The following NFATC4 variants were observed in gnomAD, a reference collection of about 807,000 sequenced individuals.
NFATC4 encodes nuclear factor of activated T-cells, cytoplasmic 4.
Under a neutral mutation model 73.4 loss-of-function variants are expected in NFATC4, and 25 were observed. The ratio of observed to expected loss-of-function variants is 0.34; its 90% confidence interval spans 0.25 to 0.48. The LOEUF is 0.48. Among genes scored for constraint, NFATC4 ranks in the 20% least tolerant of loss-of-function variants. The pLI, the probability that NFATC4 is intolerant of heterozygous loss-of-function variation, is 0.99. For synonymous variants in NFATC4, 523 were observed against 510.3 expected, an observed-to-expected ratio of 1.02 and a Z score of -0.34; for missense variants, 1,130 against 1,203.7, an observed-to-expected ratio of 0.94 and a Z score of 0.91.
intron 1 of NFATC4, among the ~76,000 whole-genome samples, chr14:24,368,840 C>A (rs532698123): frequency 6.6e-6 from 1 of 152,068 alleles, no homozygotes; most frequent in African/African-American, 2.4e-5. Flanking sequence ...CGCTGTCAGG[C>A]CTCGCTGGGG....
intron 2 of NFATC4, among the ~76,000 whole-genome samples, chr14:24,371,497 G>T (rs1566465372): frequency 1.3e-5 from 2 of 152,150 alleles, no homozygotes; most frequent in African/African-American, 2.4e-5. Context: ...TACTTGGGGG[G>T]CAATTACCAG....
intron 1 of NFATC4, chr14:24,369,136 C>G (rs1389641360): frequency 4.9e-6 from 7 of 1,442,648 alleles, no homozygotes; most frequent in Non-Finnish European, 6.3e-6. Context: ...GTTTGGGAAC[C>G]GCTGCTAATT....
At chr14:24,369,195 A>G in intron 1 of NFATC4, 7 of 1,519,160 alleles carry the variant, frequency 4.6e-6, no homozygotes, top group Non-Finnish European at 4.4e-6. Flanking sequence ...CTCAAGAAAC[A>G]CGCCTCCAGG....
In NFATC4 at chr14:24,376,970, C is replaced by T. The variant is rs1291178351; in HGVS notation, c.2641+92C>T. The T allele has an allele frequency of 2.8e-6, 4 of 1,422,442 alleles. No individual in the cohort carries two copies. Among genetic ancestry groups the T allele is most frequent in the Non-Finnish European group, 2.7e-6 (3 of 1,091,076 alleles). The allele number at this position is 1,422,442 out of a possible 1,614,324, so 88.1% of individuals were successfully genotyped here. A position where few individuals can be genotyped will look rare whatever the true frequency, so the allele number is the denominator to read the frequency against. On this transcript the variant is annotated intron_variant, in intron 9 of 9. Coordinates refer to ENST00000250373, the MANE Select transcript of NFATC4 (RefSeq NM_004554.5). The surrounding 1 kb of genome is among the most constrained non-coding windows in gnomAD (Gnocchi z 5.0). The stretch of plus-strand genomic sequence containing the variant: ...GGCTGGAGCTGGGCTTTTCAGAGAT[C>T]GGGCATCCCTGGTCTCTCAGGGCCA...
In NFATC4 at chr14:24,369,929, C is replaced by G; in HGVS notation, c.531C>G (p.Ser177=). 2 of 1,612,908 alleles carry G rather than the reference C, an allele frequency of 1.2e-6. No homozygotes were observed. The highest frequency in any genetic ancestry group is 8.5e-7 in the Non-Finnish European group (1 of 1,179,950). The change falls in exon 2 of 10, where the codon TCC becomes TCG. Residue 177 remains serine (S), a synonymous_variant. Transcript: ENST00000250373. ...FSPSPGSSSL[S]SWSFFSDASD... ...CAAGCCCTGGCAGCAGCAGCCTGTC[C>G]TCGTGGAGCTTCTTCTCCGATGCCT...
chr14:24,372,080 C>T, intron 2 of NFATC4: 1 of 211,656 alleles, frequency 4.7e-6, no homozygotes, highest in Non-Finnish European at 9.3e-6. Context: ...CCATCCAGGT[C>T]TAGGGATTGA....
At chr14:24,372,343 T>C (rs373948349) in intron 2 of NFATC4, 98 bp from the exon 3 acceptor site, 18 of 1,296,848 alleles carry the variant, frequency 1.4e-5, no homozygotes, top group Non-Finnish European at 1.7e-5. Context: ...GTGCTTTCCT[T>C]TCTCTCAGAC....
intron 2 of NFATC4, among the ~76,000 whole-genome samples, chr14:24,371,343 T>C (rs2139289403): frequency 6.6e-6 from 1 of 152,308 alleles, no homozygotes. Context: ...AGCAGGATAA[T>C]TCTTTGTTAT....
upstream of NFATC4, chr14:24,367,779 C>T (rs369859106): frequency 7.4e-7 from 1 of 1,343,590 alleles, no homozygotes; most frequent in Non-Finnish European, 9.8e-7. Context: ...TTGCTAGGTG[C>T]TATCTACACA....
Position 24,373,762 on chromosome 14 carries a change from A to G in NFATC4, c.1627A>G (p.Ile543Val), listed in dbSNP as rs773243252. 2 of 1,614,072 alleles carry G rather than the reference A, an allele frequency of 1.2e-6. No homozygotes were observed. Among genetic ancestry groups the G allele is most frequent in the South Asian group, 1.1e-5 (1 of 91,092 alleles). Residue 543 changes from isoleucine (I) to valine (V), a missense_variant, in exon 5 of 10, where the codon ATC becomes GTC. Physicochemically the swap from Ile to Val is conservative, Grantham distance 29 (BLOSUM62 3). Around this residue, in one of 3 missense-constraint regions of NFATC4, gnomAD observed 155 missense variants for 221.2 expected, o/e 0.70. Coordinates refer to ENST00000250373, the MANE Select transcript of NFATC4 (RefSeq NM_004554.5). This position sits in a 1 kb window ranked among gnomAD's most constrained non-coding sequence, Gnocchi z 4.7. Reference sequence around the variant, plus strand: ...TGAGCTTCGGAAGGGTGAGACGGACATCGGGCGCAAAAACACACGTGTACG... The same window carrying G: ...TGAGCTTCGGAAGGGTGAGACGGACGTCGGGCGCAAAAACACACGTGTACG... ...DIELRKGETD[I>V]GRKNTRVRLV...
chr14:24,367,615 C>T (rs1488046879), upstream of NFATC4: 1 of 1,536,116 alleles, frequency 6.5e-7, no homozygotes, highest in South Asian at 1.2e-5. Flanking sequence ...GATTCGGCAG[C>T]GCAAAGACTT....
upstream of NFATC4, chr14:24,367,445 G>A: frequency 6.5e-7 from 1 of 1,535,730 alleles, no homozygotes; most frequent in Non-Finnish European, 8.7e-7. Flanking sequence ...CTGGGACAAG[G>A]GCAGCGGCAA....
At position 24,373,677 on chromosome 14, in the gene NFATC4, T is replaced by A. The variant is rs202057536; in HGVS notation, c.1560-18T>A. 1 of 1,591,400 alleles carries A rather than the reference T, an allele frequency of 6.3e-7. No homozygotes were observed. Among genetic ancestry groups the A allele is most frequent in the African/African-American group, 1.3e-5 (1 of 74,642 alleles). On this transcript the variant is annotated intron_variant, in intron 4 of 9. Coordinates refer to ENST00000250373, the MANE Select transcript of NFATC4 (RefSeq NM_004554.5). The surrounding 1 kb of genome is among the most constrained non-coding windows in gnomAD (Gnocchi z 4.7). ...TGGCTTCAGCTAGGAGGGCTTGCCA[T>A]CCATCCTTTGCCTCCAGCATTGACT...
At chr14:24,372,709 C>G in intron 3 of NFATC4, 106 bp downstream of exon 3, 2 of 1,435,090 alleles carry the variant, frequency 1.4e-6, no homozygotes, top group Non-Finnish European at 9.6e-7. Flanking sequence ...TCAGCTCTGA[C>G]CCTGCAGGCA....
rs373796742 is a variant in NFATC4 at position 24,377,623 on chromosome 14, G to A, written c.2642-15G>A. On this transcript the variant is annotated splice_polypyrimidine_tract_variant and intron_variant, in intron 9 of 9. Transcript: ENST00000250373. The surrounding 1 kb of genome is among the most constrained non-coding windows in gnomAD (Gnocchi z 4.2). ...CCACCTCTAGCCCAGTCTCTCAACTGCCCCTCCTTTACAGTGAGTGAGATC... is the reference window on the plus strand; with the variant it reads ...CCACCTCTAGCCCAGTCTCTCAACTACCCCTCCTTTACAGTGAGTGAGATC... 2 of 1,614,094 alleles carry A rather than the reference G, an allele frequency of 1.2e-6. No individual in the cohort carries two copies. Among genetic ancestry groups the A allele is most frequent in the Non-Finnish European group, 1.7e-6 (2 of 1,180,012 alleles).
Position 24,376,250 on chromosome 14 carries a change from C to G in NFATC4, c.2057-44C>G, listed in dbSNP as rs779087927. ...TGGAAGGTGTGCAGTGGGGAGACTA[C>G]CAGACCTCTCACCAGCATGTCCTCC... is the stretch of plus-strand genomic sequence containing the variant. On this transcript the variant is annotated intron_variant, in intron 8 of 9. Transcript: ENST00000250373. The surrounding 1 kb of genome is among the most constrained non-coding windows in gnomAD (Gnocchi z 5.0). 48 of 1,560,084 alleles carry G rather than the reference C, an allele frequency of 3.1e-5. 1 individual carries two copies. The Admixed American group carries it at 8.4e-4, about 27-fold the overall frequency.
At position 24,373,571 on chromosome 14, in the gene NFATC4, C is replaced by T. The variant is rs1594712839; in HGVS notation, c.1560-124C>T. 1 of 1,440,948 alleles carries T rather than the reference C, an allele frequency of 6.9e-7. No individual in the cohort carries two copies. The highest frequency in any genetic ancestry group is 9.4e-7 in the Non-Finnish European group (1 of 1,064,724). The allele number at this position is 1,440,948 out of a possible 1,614,324, so 89.3% of individuals were successfully genotyped here. A position where few individuals can be genotyped will look rare whatever the true frequency, so the allele number is the denominator to read the frequency against. ...AGGCCATCTCTGGGTTAGAAAATAG[C>T]CTCCTAGGCACTCATCGAAAGTCAT... On this transcript the variant is annotated intron_variant, in intron 4 of 9. Transcript: ENST00000250373. The surrounding 1 kb of genome is among the most constrained non-coding windows in gnomAD (Gnocchi z 4.7).
upstream of NFATC4, chr14:24,366,946 T>C: frequency 6.4e-7 from 1 of 1,552,202 alleles, no homozygotes; most frequent in East Asian, 2.3e-5. Flanking sequence ...CTTAACCGTT[T>C]AGTTGCTGGG....
chr14:24,376,742 A>G lies in NFATC4; in HGVS notation c.2505A>G (p.Leu835=), dbSNP rs1566472388. Reference sequence around the variant, plus strand: ...CTTCCCAGAGTGATGTGCATCCCCTACCTGCTGAGGGATACAATAAGGTAG... The same window carrying G: ...CTTCCCAGAGTGATGTGCATCCCCTGCCTGCTGAGGGATACAATAAGGTAG... ...PFPSQSDVHP[L]PAEGYNKVGP... is the part of the protein sequence containing the mutation. Residue 835 remains leucine (L), a synonymous_variant, in exon 9 of 10, where the codon CTA becomes CTG. Transcript: ENST00000250373. The surrounding 1 kb of genome is among the most constrained non-coding windows in gnomAD (Gnocchi z 5.0). The G allele has an allele frequency of 1.9e-6, 3 of 1,613,532 alleles. No individual in the cohort carries two copies. Among genetic ancestry groups the G allele is most frequent in the Non-Finnish European group, 2.5e-6 (3 of 1,179,884 alleles).
Sources: gnomAD v4.1 joint callset for allele counts (sites outside exome capture counted in the v4.1 genomes callset) on GRCh38, gnomAD v4.1.1 for gene constraint, gnomAD v4.1.1 regional missense constraint, Gnocchi (gnomAD v3.1) non-coding constraint, MANE v1.5 for transcripts, NCBI Gene and HGNC (gene_info 2026-07-23, HGNC 2026-07-21) for gene names.